ADARB2: variants seen among roughly 807,000 people sequenced by gnomAD.
The protein encoded by ADARB2 is adenosine deaminase RNA specific B2 (inactive).
A neutral mutation model predicts 62.2 loss-of-function variants in ADARB2; 25 were observed. The observed-to-expected ratio is 0.40, with a 90% CI of 0.29 to 0.56. ADARB2 has a LOEUF of 0.56. Ranked by LOEUF, ADARB2 falls within the 20% of genes least tolerant of loss-of-function variation. ADARB2 has a pLI of 0.43. For synonymous variants in ADARB2, 572 were observed against 500.8 expected (o/e 1.14, Z -1.90); for missense variants, 1,071 against 1,077.4 (o/e 0.99, Z 0.08).
intron 1 of ADARB2, among the ~76,000 whole-genome samples, chr10:1,526,253 G>C (rs1832140545): frequency 6.6e-6 from 1 of 152,074 alleles, no homozygotes; most frequent in African/African-American, 2.4e-5. Flanking sequence ...GATGGGGCAG[G>C]TGGTGCAGAT....
At chr10:1,335,144 T>G (rs185395296) in intron 3 of ADARB2, among the ~76,000 whole-genome samples, 36 of 151,824 alleles carry the variant, frequency 2.4e-4, no homozygotes, top group African/African-American at 8.7e-4. Context: ...TTTGTCTCTG[T>G]GTGTTCCAGC....
At chr10:1,415,244 G>C (rs1433135931) in intron 1 of ADARB2, among the ~76,000 whole-genome samples, 1 of 151,376 alleles carries the variant, frequency 6.6e-6, no homozygotes, top group African/African-American at 2.4e-5. Context: ...AGATAGATGG[G>C]TACAAGGGTA....
At chr10:1,300,847 T>A (rs11593264) in intron 3 of ADARB2, among the ~76,000 whole-genome samples, 70,735 of 152,126 alleles carry the variant, frequency 0.46, 17,977 homozygotes, top group East Asian at 0.81. Context: ...CACCTTGATG[T>A]GGTCACTATG....
intron 4 of ADARB2, among the ~76,000 whole-genome samples, chr10:1,262,174 G>T (rs1309870054): frequency 1.4e-5 from 2 of 143,464 alleles, no homozygotes; most frequent in African/African-American, 5.5e-5. Context: ...GATAGCATTG[G>T]GAGATATACC....
chr10:1,369,836 T>C (rs943650392), intron 2 of ADARB2, among the ~76,000 whole-genome samples: 2 of 152,180 alleles, frequency 1.3e-5, no homozygotes, highest in African/African-American at 4.8e-5. Context: ...TTGTACTTTG[T>C]CCCTGTCTTC....
At chr10:1,460,556 A>T (rs141602997) in intron 1 of ADARB2, among the ~76,000 whole-genome samples, 17 of 58,498 alleles carry the variant, frequency 2.9e-4, no homozygotes, top group African/African-American at 2.6e-4. Flanking sequence ...TTACCTGCGT[A>T]ACGAACCTGC....
intron 1 of ADARB2, among the ~76,000 whole-genome samples, chr10:1,544,956 T>TACACAC (rs1554770300): frequency 6.8e-4 from 91 of 133,934 alleles, no homozygotes; most frequent in Middle Eastern, 7.8e-3. Context: ...TAGCAAAGTA[T>TACACAC]ACACACACAC....
At chr10:1,626,614 C>T (rs1001526693) in intron 1 of ADARB2, among the ~76,000 whole-genome samples, 13 of 152,132 alleles carry the variant, frequency 8.5e-5, no homozygotes, top group Admixed American at 1.3e-4. Context: ...CAAACTCCCA[C>T]GACGGCCTGT....
At chr10:1,459,404 T>G (rs1466921892) in intron 1 of ADARB2, among the ~76,000 whole-genome samples, 1 of 152,224 alleles carries the variant, frequency 6.6e-6, no homozygotes, top group African/African-American at 2.4e-5. Flanking sequence ...GCCATTCTCC[T>G]TAGCAAATTA....
chr10:1,493,645 AGACT>A (rs1190801443), intron 1 of ADARB2, among the ~76,000 whole-genome samples: 2 of 150,088 alleles, frequency 1.3e-5, no homozygotes, highest in Non-Finnish European at 1.5e-5. Context: ...CCATACTATA[AGACT>A]GGTGTGATCC....
intron 1 of ADARB2, among the ~76,000 whole-genome samples, chr10:1,452,561 G>A (rs867959418): frequency 2.7e-5 from 4 of 147,090 alleles, no homozygotes; most frequent in Non-Finnish European, 5.9e-5. Flanking sequence ...ACCAAACACT[G>A]CATGTTCTCA....
chr10:1,596,951 G>A (rs548449635), intron 1 of ADARB2, among the ~76,000 whole-genome samples: 6 of 152,258 alleles, frequency 3.9e-5, no homozygotes, highest in East Asian at 3.9e-4. Flanking sequence ...CTTCATCGCC[G>A]ACTTCTCTCC....
intron 9 of ADARB2, 133 bp downstream of exon 9, chr10:1,184,728 G>C: frequency 9.6e-7 from 1 of 1,041,706 alleles, no homozygotes; most frequent in Middle Eastern, 2.9e-4. Flanking sequence ...CTGGGAAAAG[G>C]ACATGTGATG....
intron 2 of ADARB2, among the ~76,000 whole-genome samples, chr10:1,371,707 A>G (rs1053755341): frequency 2.4e-4 from 37 of 151,874 alleles, no homozygotes; most frequent in African/African-American, 7.7e-4. Flanking sequence ...AAAATGCTCA[A>G]CGTCACAGGG....
intron 1 of ADARB2, among the ~76,000 whole-genome samples, chr10:1,679,123 C>T (rs1834505126): frequency 6.6e-6 from 1 of 152,182 alleles, no homozygotes; most frequent in Admixed American, 6.5e-5. Context: ...AAATATGGGG[C>T]AGTTGGTGTT....
chr10:1,206,548 C>T (rs577513164), intron 7 of ADARB2, among the ~76,000 whole-genome samples: 14 of 151,718 alleles, frequency 9.2e-5, no homozygotes, highest in African/African-American at 2.9e-4. Flanking sequence ...CGTGCCTGTG[C>T]GGTCTGAGAG....
chr10:1,663,145 T>C (rs893267794), intron 1 of ADARB2, among the ~76,000 whole-genome samples: 2 of 152,226 alleles, frequency 1.3e-5, no homozygotes, highest in African/African-American at 4.8e-5. Flanking sequence ...GATCAACTAT[T>C]TTAGAGCAGT....
At chr10:1,347,979 C>G (rs541900516) in intron 3 of ADARB2, among the ~76,000 whole-genome samples, 3 of 151,648 alleles carry the variant, frequency 2.0e-5, no homozygotes, top group East Asian at 3.9e-4. Flanking sequence ...GAGACGGAGA[C>G]AGAGAGATAC....
intron 1 of ADARB2, among the ~76,000 whole-genome samples, chr10:1,583,212 TC>T (rs546200295): frequency 7.2e-4 from 110 of 152,200 alleles, no homozygotes; most frequent in African/African-American, 2.6e-3. Flanking sequence ...AATTTCACCT[TC>T]CCAGAGAAAA....
Sources: gnomAD v4.1 joint callset for allele counts (sites outside exome capture counted in the v4.1 genomes callset) on GRCh38, gnomAD v4.1.1 for gene constraint, MANE v1.5 for transcripts, NCBI Gene and HGNC (gene_info 2026-07-23, HGNC 2026-07-21) for gene names.